Variants in TENM2 observed in about 807,000 individuals in gnomAD.
TENM2 encodes the protein teneurin transmembrane protein 2.
A neutral mutation model predicts 245.2 loss-of-function variants in TENM2; 52 were observed. The observed-to-expected ratio is 0.21, with a 90% CI of 0.17 to 0.27. TENM2 has a LOEUF of 0.27. Among genes scored for constraint, TENM2 ranks in the 10% least tolerant of loss-of-function variants. The pLI, the probability that TENM2 is intolerant of heterozygous loss-of-function variation, is 1.00. For missense variants in TENM2, 3,046 were observed against 3,666.8 expected (o/e 0.83, Z 4.37); for synonymous variants, 1,363 against 1,438.9 (o/e 0.95, Z 1.19).
At chr5:167,954,420 A>C (rs1270469064) in intron 4 of TENM2, among the ~76,000 whole-genome samples, 1 of 152,220 alleles carries the variant, frequency 6.6e-6, no homozygotes, top group East Asian at 1.9e-4. Context: ...TCAAACATTA[A>C]AAACATTCCA....
chr5:167,978,855 C>T (rs529431528), intron 4 of TENM2, among the ~76,000 whole-genome samples: 5 of 152,200 alleles, frequency 3.3e-5, no homozygotes, highest in Admixed American at 2.0e-4. Context: ...GGAGGATCAG[C>T]GTGTCACCCT....
At position 168,020,064 on chromosome 5, in the gene TENM2, A is replaced by G. The variant is rs2617965; in HGVS notation, c.1186+26882A>G. ...GTTAGGATCCACACTGGGCTTCAGAATTGTGCTTAGAGGGGCCAGGGTTTA... is the reference window on the plus strand; with the variant it reads ...GTTAGGATCCACACTGGGCTTCAGAGTTGTGCTTAGAGGGGCCAGGGTTTA... On this transcript the variant is annotated intron_variant, in intron 5 of 28. Transcript: ENST00000518659. Among the ~76,000 whole-genome samples the G allele has an allele frequency of 5.2e-3, 792 of 152,302 alleles. 7 individuals are homozygous for G. Among genetic ancestry groups the G allele is most frequent in the African/African-American group, 0.018 (753 of 41,564 alleles).
intron 1 of TENM2, among the ~76,000 whole-genome samples, chr5:167,295,028 C>T (rs534584435): frequency 2.4e-4 from 36 of 152,266 alleles, no homozygotes; most frequent in African/African-American, 8.4e-4. Flanking sequence ...TGATGAGTGA[C>T]TCAGCATACA....
intron 1 of TENM2, among the ~76,000 whole-genome samples, chr5:167,304,390 C>T (rs974906046): frequency 7.2e-5 from 11 of 152,314 alleles, no homozygotes; most frequent in Middle Eastern, 3.4e-3. Context: ...TTGTTCACAG[C>T]CTCAGTCTCA....
chr5:167,066,488 G>A, the TENM2 span, among the ~76,000 whole-genome samples: 8 of 151,632 alleles, frequency 5.3e-5, no homozygotes, highest in Non-Finnish European at 1.0e-4. Flanking sequence ...CCATTAACTC[G>A]TCATTTAGCA....
chr5:167,164,012 T>A, the TENM2 span, among the ~76,000 whole-genome samples: 1 of 152,126 alleles, frequency 6.6e-6, no homozygotes, highest in Non-Finnish European at 1.5e-5. Context: ...GCCCTCCACT[T>A]TAGTGCGTGA....
At chr5:168,058,470 G>C (rs1226555056) in intron 6 of TENM2, among the ~76,000 whole-genome samples, 2 of 152,190 alleles carry the variant, frequency 1.3e-5, no homozygotes, top group African/African-American at 4.8e-5. Context: ...CTGCAGAAAA[G>C]CATAATTGCT....
At chr5:167,963,974 T>C (rs1001636976) in intron 4 of TENM2, among the ~76,000 whole-genome samples, 1 of 152,184 alleles carries the variant, frequency 6.6e-6, no homozygotes, top group Non-Finnish European at 1.5e-5. Context: ...TAAACCATAA[T>C]ATAATCCAAC....
At chr5:167,673,521 T>C (rs1175940508) in intron 2 of TENM2, among the ~76,000 whole-genome samples, 2 of 152,094 alleles carry the variant, frequency 1.3e-5, no homozygotes, top group Admixed American at 1.3e-4. Flanking sequence ...ATCCACTATG[T>C]AAACTATATG....
intron 2 of TENM2, among the ~76,000 whole-genome samples, chr5:167,670,876 T>C (rs1285786725): frequency 6.6e-6 from 1 of 152,180 alleles, no homozygotes; most frequent in East Asian, 1.9e-4. Flanking sequence ...TCCTTGCTTC[T>C]TTTTTGCATC....
At chr5:167,069,410 A>G in the TENM2 span, among the ~76,000 whole-genome samples, 2 of 152,212 alleles carry the variant, frequency 1.3e-5, no homozygotes, top group African/African-American at 2.4e-5. Context: ...CCAAATGTCA[A>G]TAATGCTTAA....
At chr5:168,212,029 C>T (rs1478782129) in intron 20 of TENM2, among the ~76,000 whole-genome samples, 1 of 152,182 alleles carries the variant, frequency 6.6e-6, no homozygotes, top group Non-Finnish European at 1.5e-5. Flanking sequence ...ATCCCGACTG[C>T]TCAGTGCGGT....
chr5:167,913,554 A>G, intron 3 of TENM2, among the ~76,000 whole-genome samples: 1 of 152,218 alleles, frequency 6.6e-6, no homozygotes. Context: ...AAGATTTTGA[A>G]TATCTTCAGC....
chr5:167,636,501 C>T (rs1779219475), intron 2 of TENM2, among the ~76,000 whole-genome samples: 1 of 152,178 alleles, frequency 6.6e-6, no homozygotes, highest in Admixed American at 6.5e-5. Flanking sequence ...TTAATCCATG[C>T]TTAATATTTG....
intron 1 of TENM2, among the ~76,000 whole-genome samples, chr5:167,326,923 T>TAA (rs1757123534): frequency 6.6e-6 from 1 of 151,980 alleles, no homozygotes; most frequent in African/African-American, 2.4e-5. Context: ...AAGCTATATA[T>TAA]AATTACCTAT....
chr5:167,260,838 A>G, the TENM2 span, among the ~76,000 whole-genome samples: 4 of 152,192 alleles, frequency 2.6e-5, no homozygotes, highest in Non-Finnish European at 4.4e-5. Flanking sequence ...ATTGTTTATT[A>G]TAATTTGAGC....
intron 2 of TENM2, among the ~76,000 whole-genome samples, chr5:167,872,567 AAAGAAAG>A (rs879701254): frequency 0.13 from 7,104 of 55,276 alleles, 656 homozygotes; most frequent in South Asian, 0.25. Flanking sequence ...AGAAAGAAAG[AAAGAAAG>A]AAAGAAAGAG....
At position 167,354,263 on chromosome 5, in the gene TENM2, T is replaced by G. The variant is rs189876879; in HGVS notation, c.227-20935T>G. ...AGGGCCACTCAATTCTCTACTTCTT[T>G]AAATTAGATCTCTTGCTTTTGTGCT... On this transcript the variant is annotated intron_variant, in intron 1 of 28. Coordinates refer to ENST00000518659, the Ensembl canonical transcript of TENM2. 2.0e-5 allele frequency among the ~76,000 whole-genome samples: 3 copies of G among 152,358 alleles called. 1 individual carries two copies. The highest frequency in any genetic ancestry group is 2.0e-4 in the Admixed American group (3 of 15,302).
At chr5:167,735,320 G>T (rs1487095930) in intron 2 of TENM2, among the ~76,000 whole-genome samples, 4 of 152,186 alleles carry the variant, frequency 2.6e-5, no homozygotes, top group African/African-American at 9.7e-5. Flanking sequence ...TAGAAGTAGT[G>T]ACCTGCTTGG....
Sources: gnomAD v4.1 joint callset for allele counts (sites outside exome capture counted in the v4.1 genomes callset) on GRCh38, gnomAD v4.1.1 for gene constraint, MANE v1.5 for transcripts, NCBI Gene and HGNC (gene_info 2026-07-23, HGNC 2026-07-21) for gene names.